PRKN: variants seen among roughly 807,000 people sequenced by gnomAD.
PRKN encodes E3 ubiquitin-protein ligase parkin.
PRKN carries 56 observed loss-of-function variants against 59.5 expected under a neutral mutation model. The observed-to-expected ratio is 0.94, with a 90% CI of 0.76 to 1.18. The LOEUF (loss-of-function observed/expected upper bound fraction) is 1.18, where lower values mean the gene tolerates loss of function less well. Among genes scored for constraint, PRKN ranks in the 50% most tolerant of loss-of-function variants. PRKN has a pLI of 0.00. For missense variants in PRKN, 657 were observed against 596.4 expected, an observed-to-expected ratio of 1.10 and a Z score of -1.06; for synonymous variants, 250 against 222.1, an observed-to-expected ratio of 1.13 and a Z score of -1.12.
At position 161,445,982 on chromosome 6, in the gene PRKN, CTGTT is replaced by C. The variant is rs1488667451; in HGVS notation, c.1084-59109_1084-59106del. Among the ~76,000 whole-genome samples, 1 of 151,806 alleles carries C rather than the reference CTGTT, an allele frequency of 6.6e-6. No homozygotes were observed. Among genetic ancestry groups the C allele is most frequent in the South Asian group, 2.1e-4 (1 of 4,814 alleles). ...AGCATAAACAAAGAGGAGAGGCAAA[CTGTT>C]TGAGCCCAGGAGTTTGAGACCAGCC... On this transcript the variant is annotated intron_variant, in intron 9 of 11. Transcript: ENST00000366898. The surrounding 1 kb of genome is among the most constrained non-coding windows in gnomAD (Gnocchi z 7.7).
intron 9 of PRKN, among the ~76,000 whole-genome samples, chr6:161,434,333 C>CT (rs1788785837): frequency 6.6e-6 from 1 of 152,046 alleles, no homozygotes; most frequent in African/African-American, 2.4e-5. Flanking sequence ...TTTCTGTGTG[C>CT]TTTTTTCCTC....
intron 7 of PRKN, among the ~76,000 whole-genome samples, chr6:161,730,508 G>C (rs1207441696): frequency 1.3e-5 from 2 of 150,908 alleles, no homozygotes; most frequent in Admixed American, 6.6e-5. Flanking sequence ...AGTCTGATGT[G>C]TTGCATTCTG....
At chr6:162,330,197 T>C (rs1783510219) in intron 2 of PRKN, among the ~76,000 whole-genome samples, 2 of 152,178 alleles carry the variant, frequency 1.3e-5, no homozygotes, top group Admixed American at 6.5e-5. Context: ...TGTGCCTCTA[T>C]AATTATGCTC....
At chr6:161,608,023 A>G (rs1261394153) in intron 7 of PRKN, among the ~76,000 whole-genome samples, 1 of 152,164 alleles carries the variant, frequency 6.6e-6, no homozygotes, top group Non-Finnish European at 1.5e-5. Context: ...CAAACCATTG[A>G]TCTAGTGTTG....
rs1268074139 is a variant in PRKN, at chr6:161,487,296, G to C, written c.1083+61558C>G. Reference sequence around the variant, plus strand: ...TAACAACTGCTCAGTGAAGGGGCTGGGACTCCCAGCACTTGCCTGGTTCAG... The same window carrying C: ...TAACAACTGCTCAGTGAAGGGGCTGCGACTCCCAGCACTTGCCTGGTTCAG... On this transcript the variant is annotated intron_variant, in intron 9 of 11. Coordinates refer to ENST00000366898, the MANE Select transcript of PRKN (RefSeq NM_004562.3). The surrounding 1 kb of genome is among the most constrained non-coding windows in gnomAD (Gnocchi z 5.3). Among the ~76,000 whole-genome samples, 1 of 152,106 alleles carries C rather than the reference G, an allele frequency of 6.6e-6. No homozygotes were observed. The highest frequency in any genetic ancestry group is 1.5e-5 in the Non-Finnish European group (1 of 68,014).
At chr6:162,068,821 G>GGT (rs1778449005) in intron 4 of PRKN, among the ~76,000 whole-genome samples, 1 of 151,592 alleles carries the variant, frequency 6.6e-6, no homozygotes, top group South Asian at 2.1e-4. Context: ...TACAGGAGGT[G>GGT]GTGGGAGGTC....
intron 1 of PRKN, among the ~76,000 whole-genome samples, chr6:162,464,401 A>C (rs1432919506): frequency 6.6e-6 from 1 of 152,186 alleles, no homozygotes; most frequent in Non-Finnish European, 1.5e-5. Context: ...ATTTATGATA[A>C]CTTTTATTTT....
rs1781584910 is a variant in PRKN, at chr6:162,137,038, T to C, written c.534+64093A>G. 1.3e-5 allele frequency among the ~76,000 whole-genome samples: 2 copies of C among 152,164 alleles called. 1 individual carries two copies. The highest frequency in any genetic ancestry group is 4.1e-4 in the South Asian group (2 of 4,820). ...TGTGAAAATGTATAGAAAAAGGATT[T>C]ATCTTATAAGTACCTCATTTTTAAT... On this transcript the variant is annotated intron_variant, in intron 4 of 11. Transcript: ENST00000366898.
chr6:161,382,106 C>T lies in PRKN; in HGVS notation c.1167+4688G>A, dbSNP rs572298161. Among the ~76,000 whole-genome samples, 30 of 70,250 alleles carry T rather than the reference C, an allele frequency of 4.3e-4. No homozygotes were observed. In the East Asian group the frequency reaches 8.4e-3, roughly 20 times the overall value. 46.1% of individuals were successfully genotyped at this position (70,250 alleles called of 152,430 possible). ...CGGCCTGGGTGAAAGAGCGAGACTCCATCTCAAAAAAAAAAAAAAAAAAAA... is the reference window on the plus strand; with the variant it reads ...CGGCCTGGGTGAAAGAGCGAGACTCTATCTCAAAAAAAAAAAAAAAAAAAA... On this transcript the variant is annotated intron_variant, in intron 10 of 11. Transcript: ENST00000366898.
At chr6:162,262,213 T>C (rs1484090384) in intron 3 of PRKN, among the ~76,000 whole-genome samples, 3 of 152,190 alleles carry the variant, frequency 2.0e-5, no homozygotes, top group Admixed American at 2.0e-4. Flanking sequence ...CATATCTGGC[T>C]TTAGAAACTA....
intron 7 of PRKN, among the ~76,000 whole-genome samples, chr6:161,714,621 G>A (rs1203380596): frequency 6.6e-6 from 1 of 152,170 alleles, no homozygotes; most frequent in Non-Finnish European, 1.5e-5. Context: ...GAGTGTCCAT[G>A]TACTCCATGT....
intron 6 of PRKN, among the ~76,000 whole-genome samples, chr6:161,825,045 A>C (rs918312709): frequency 6.6e-6 from 1 of 152,200 alleles, no homozygotes; most frequent in Non-Finnish European, 1.5e-5. Flanking sequence ...AATAATTTGT[A>C]AAACTAAAAG....
chr6:162,150,389 G>T (rs1782218475), intron 4 of PRKN, among the ~76,000 whole-genome samples: 1 of 152,170 alleles, frequency 6.6e-6, no homozygotes, highest in Non-Finnish European at 1.5e-5. Flanking sequence ...GAGCATGAGG[G>T]TACAAATGAT....
intron 5 of PRKN, among the ~76,000 whole-genome samples, chr6:161,974,470 G>C (rs369484236): frequency 6.6e-6 from 1 of 152,024 alleles, no homozygotes; most frequent in African/African-American, 2.4e-5. Context: ...CATAGGTCAC[G>C]TTCTTTTGAT....
intron 1 of PRKN, among the ~76,000 whole-genome samples, chr6:162,467,694 C>T (rs1791493511): frequency 6.6e-6 from 1 of 152,136 alleles, no homozygotes; most frequent in Non-Finnish European, 1.5e-5. Flanking sequence ...TCACTTCCTA[C>T]TTTAAAGGCC....
At chr6:161,796,370 T>C (rs1790850022) in intron 6 of PRKN, among the ~76,000 whole-genome samples, 1 of 152,098 alleles carries the variant, frequency 6.6e-6, no homozygotes, top group Middle Eastern at 3.2e-3. Flanking sequence ...AAAAAGTAAG[T>C]TAAAAGCAAA....
At position 161,357,546 on chromosome 6, in the gene PRKN, A is replaced by T. The variant is rs372029410; in HGVS notation, c.1285+2542T>A. ...CCCACTGCAGACAGAGACCTGGCTG[A>T]TTTTTACTAATTTTCTAAGGTTATA... On this transcript the variant is annotated intron_variant, in intron 11 of 11. Coordinates refer to ENST00000366898, the MANE Select transcript of PRKN (RefSeq NM_004562.3). This position sits in a 1 kb window ranked among gnomAD's most constrained non-coding sequence, Gnocchi z 5.5. Among the ~76,000 whole-genome samples the T allele has an allele frequency of 5.3e-4, 81 of 152,284 alleles. 1 individual carries two copies. The East Asian group carries it at 8.1e-3, about 15-fold the overall frequency.
intron 7 of PRKN, among the ~76,000 whole-genome samples, chr6:161,605,255 C>T (rs942650072): frequency 4.0e-4 from 61 of 152,024 alleles, no homozygotes; most frequent in African/African-American, 1.4e-3. Flanking sequence ...TAAAATATAA[C>T]AGTTCACATT....
At chr6:162,068,815 G>T (rs989399772) in intron 4 of PRKN, among the ~76,000 whole-genome samples, 2 of 151,460 alleles carry the variant, frequency 1.3e-5, no homozygotes, top group Non-Finnish European at 2.9e-5. Context: ...AGCATGTACA[G>T]GAGGTGGTGG....
Sources: gnomAD v4.1 joint callset for allele counts (sites outside exome capture counted in the v4.1 genomes callset) on GRCh38, gnomAD v4.1.1 for gene constraint, Gnocchi (gnomAD v3.1) non-coding constraint, MANE v1.5 for transcripts, NCBI Gene and HGNC (gene_info 2026-07-23, HGNC 2026-07-21) for gene names.